The following TANC1 variants were observed in gnomAD, a reference collection of about 807,000 sequenced individuals.
TANC1 encodes the protein protein TANC1.
In TANC1, 77 loss-of-function variants were observed where a neutral mutation model predicts 149.7. The observed-to-expected ratio is 0.51, with a 90% CI of 0.43 to 0.62. The LOEUF (loss-of-function observed/expected upper bound fraction) is 0.62. TANC1 is among the 20% of genes least tolerant of loss of function. TANC1 has a pLI of 0.00. For synonymous variants in TANC1, 854 were observed against 925.0 expected (o/e 0.92, Z 1.39); for missense variants, 1,985 against 2,321.8 (o/e 0.85, Z 2.98).
chr2:159,181,616 T>C (rs946885900), intron 14 of TANC1, among the ~76,000 whole-genome samples: 3 of 152,238 alleles, frequency 2.0e-5, no homozygotes, highest in Non-Finnish European at 2.9e-5. Context: ...GATTTTTAAG[T>C]TGTTTCTAAA....
chr2:159,146,171 A>G (rs1368226784), intron 5 of TANC1, among the ~76,000 whole-genome samples: 1 of 152,204 alleles, frequency 6.6e-6, no homozygotes, highest in Non-Finnish European at 1.5e-5. Flanking sequence ...AAGATGGCTC[A>G]GTGACACTTC....
At chr2:159,111,423 C>T (rs1289257657) in intron 4 of TANC1, among the ~76,000 whole-genome samples, 4 of 152,184 alleles carry the variant, frequency 2.6e-5, no homozygotes, top group African/African-American at 4.8e-5. Context: ...GAGGCAGAAG[C>T]CTTTGTGTCA....
intron 4 of TANC1, among the ~76,000 whole-genome samples, chr2:159,131,590 C>G (rs957162801): frequency 2.9e-5 from 4 of 139,642 alleles, no homozygotes; most frequent in African/African-American, 1.0e-4. Flanking sequence ...CAATCTGTTT[C>G]CTACCTTCAG....
intron 2 of TANC1, among the ~76,000 whole-genome samples, chr2:159,025,188 C>CTT (rs375353302): frequency 1.9e-5 from 1 of 52,170 alleles, no homozygotes; most frequent in Non-Finnish European, 4.6e-5. Context: ...CTTTTTCTTT[C>CTT]TTTTCTTTCT....
At chr2:159,205,372 G>T (rs914707224) in intron 19 of TANC1, among the ~76,000 whole-genome samples, 1 of 152,188 alleles carries the variant, frequency 6.6e-6, no homozygotes, top group Non-Finnish European at 1.5e-5. Context: ...TGGTAAGAAT[G>T]TAAAATAAAT....
chr2:159,047,193 C>CG (rs961198998), intron 2 of TANC1, among the ~76,000 whole-genome samples: 21 of 150,562 alleles, frequency 1.4e-4, no homozygotes, highest in African/African-American at 5.1e-4. Flanking sequence ...TCATTTCCCC[C>CG]CCCCAGTTAT....
At chr2:159,044,004 T>A (rs1350871781) in intron 2 of TANC1, among the ~76,000 whole-genome samples, 1 of 152,208 alleles carries the variant, frequency 6.6e-6, no homozygotes, top group Non-Finnish European at 1.5e-5. Context: ...GTTAACTTAC[T>A]CTGAGTTGTC....
At chr2:159,046,589 C>CTTTTTTTTTTTTTTT (rs57208685) in intron 2 of TANC1, among the ~76,000 whole-genome samples, 2 of 84,398 alleles carry the variant, frequency 2.4e-5, no homozygotes, top group Non-Finnish European at 4.2e-5. Context: ...CTTTTCTTTA[C>CTTTTTTTTTTTTTTT]TTTTTTTTTT....
chr2:159,204,249 G>T (rs937113363), intron 19 of TANC1, among the ~76,000 whole-genome samples: 1 of 152,152 alleles, frequency 6.6e-6, no homozygotes, highest in Non-Finnish European at 1.5e-5. Context: ...AGAATAATTT[G>T]GGAGAAATAC....
At chr2:159,053,289 A>G (rs1361506114) in intron 2 of TANC1, among the ~76,000 whole-genome samples, 3 of 151,856 alleles carry the variant, frequency 2.0e-5, no homozygotes, top group Admixed American at 6.6e-5. Flanking sequence ...AAAAAAAAAA[A>G]AGAGAAAAAA....
At chr2:159,126,553 T>C (rs1392321036) in intron 4 of TANC1, among the ~76,000 whole-genome samples, 2 of 152,266 alleles carry the variant, frequency 1.3e-5, no homozygotes, top group East Asian at 1.9e-4. Context: ...AGCCCATTTC[T>C]GACCCAAAGT....
At chr2:158,979,388 G>A (rs1273994172) in intron 1 of TANC1, among the ~76,000 whole-genome samples, 1 of 151,918 alleles carries the variant, frequency 6.6e-6, no homozygotes, top group Non-Finnish European at 1.5e-5. Context: ...CAGCTACGTG[G>A]GAGACTGAGG....
chr2:159,057,544 T>G (rs569640853), intron 2 of TANC1, among the ~76,000 whole-genome samples: 10 of 152,346 alleles, frequency 6.6e-5, no homozygotes, highest in African/African-American at 1.9e-4. Flanking sequence ...CAGGGCAAGT[T>G]TCTCCATTGC....
At chr2:159,131,508 C>T (rs2050095412) in intron 4 of TANC1, among the ~76,000 whole-genome samples, 1 of 149,688 alleles carries the variant, frequency 6.7e-6, no homozygotes, top group African/African-American at 2.5e-5. Flanking sequence ...CATCACTCCC[C>T]CTCCCCCCGC....
intron 3 of TANC1, among the ~76,000 whole-genome samples, chr2:159,066,325 G>A (rs1272805373): frequency 2.6e-5 from 4 of 152,078 alleles, no homozygotes; most frequent in Non-Finnish European, 4.4e-5. Context: ...CTGGCAGGAG[G>A]ATCTCTTGAG....
chr2:159,118,511 TG>T (rs2048528232), intron 4 of TANC1, among the ~76,000 whole-genome samples: 1 of 152,220 alleles, frequency 6.6e-6, no homozygotes, highest in Non-Finnish European at 1.5e-5. Context: ...CCCACTTTGT[TG>T]CCTTGTTAAC....
intron 2 of TANC1, among the ~76,000 whole-genome samples, chr2:159,043,340 A>G (rs1487420309): frequency 6.6e-6 from 1 of 151,924 alleles, no homozygotes; most frequent in Non-Finnish European, 1.5e-5. Flanking sequence ...TGAGTGAGGG[A>G]GACAACCACT....
intron 3 of TANC1, among the ~76,000 whole-genome samples, chr2:159,083,201 G>A (rs906546770): frequency 4.6e-5 from 7 of 151,644 alleles, no homozygotes; most frequent in Non-Finnish European, 8.8e-5. Flanking sequence ...GTGATCTGCC[G>A]GCCTTGGCCT....
chr2:159,075,277 C>T (rs142097664), intron 3 of TANC1, among the ~76,000 whole-genome samples: 98 of 151,938 alleles, frequency 6.4e-4, no homozygotes, highest in African/African-American at 2.1e-3. Flanking sequence ...GTACAAAATT[C>T]GAAAAATACG....
Sources: allele counts gnomAD v4.1 joint callset (sites outside exome capture counted in the v4.1 genomes callset), GRCh38; gene constraint gnomAD v4.1.1; transcripts MANE v1.5; gene names NCBI Gene and HGNC (gene_info 2026-07-23, HGNC 2026-07-21).